The following SOX6 variants were observed in gnomAD, a reference collection of about 807,000 sequenced individuals.
SOX6 encodes SRY-box transcription factor 6, also known as transcription factor SOX-6.
Under a neutral mutation model 97.8 loss-of-function variants are expected in SOX6, and 11 were observed. The observed-to-expected ratio is 0.11, with a 90% CI of 0.07 to 0.19. The LOEUF (loss-of-function observed/expected upper bound fraction) is 0.19, where lower values mean the gene tolerates loss of function less well. Ranked by LOEUF, SOX6 falls within the 10% of genes least tolerant of loss-of-function variation. SOX6 has a pLI of 1.00. For synonymous variants in SOX6, 360 were observed against 371.4 expected (o/e 0.97, Z 0.35); for missense variants, 810 against 1,039.5 (o/e 0.78, Z 3.04).
intron 6 of SOX6, among the ~76,000 whole-genome samples, chr11:16,146,076 GCATC>G (rs2134048264): frequency 6.6e-6 from 1 of 152,220 alleles, no homozygotes; most frequent in East Asian, 1.9e-4. Context: ...AAAGCTGGAG[GCATC>G]ACGCTACCTG....
chr11:16,478,947 A>G (rs981383126), upstream of SOX6, among the ~76,000 whole-genome samples: 1 of 152,202 alleles, frequency 6.6e-6, no homozygotes, highest in African/African-American at 2.4e-5. Context: ...CAGAACGCCT[A>G]ATCACCCATG....
At chr11:16,557,438 C>G (rs1039644074) in intron 4 of SOX6, among the ~76,000 whole-genome samples, 3 of 151,858 alleles carry the variant, frequency 2.0e-5, no homozygotes, top group African/African-American at 7.2e-5. Flanking sequence ...GGACTATACA[C>G]CATCCTCTGA....
In SOX6 at chr11:16,159,284, C is replaced by T. The variant is rs184895222; in HGVS notation, c.777+24602G>A. Among the ~76,000 whole-genome samples, 49 of 152,174 alleles carry T rather than the reference C, an allele frequency of 3.2e-4. 2 individuals carry two copies. Among genetic ancestry groups the T allele is most frequent in the Admixed American group, 2.2e-3 (33 of 15,260 alleles). On this transcript the variant is annotated intron_variant, in intron 6 of 15. Coordinates refer to ENST00000683767, the MANE Select transcript of SOX6 (RefSeq NM_001367873.1). ...ACACAAATTAACACTAGCATGAGAACGCTAAAGATCAGTTCATTTGAGGAT... is the reference window on the plus strand; with the variant it reads ...ACACAAATTAACACTAGCATGAGAATGCTAAAGATCAGTTCATTTGAGGAT...
intron 4 of SOX6, among the ~76,000 whole-genome samples, chr11:16,541,916 A>G (rs1262330596): frequency 6.6e-6 from 1 of 152,218 alleles, no homozygotes; most frequent in Non-Finnish European, 1.5e-5. Context: ...CGATTCCTCA[A>G]GGATCTAGAA....
chr11:16,619,691 G>A (rs1204135945), intron 3 of SOX6, among the ~76,000 whole-genome samples: 1 of 152,008 alleles, frequency 6.6e-6, no homozygotes, highest in Non-Finnish European at 1.5e-5. Context: ...ACCTGGATTA[G>A]CACAAACTGA....
At chr11:16,547,936 AT>A (rs1847640156) in intron 4 of SOX6, among the ~76,000 whole-genome samples, 1 of 152,178 alleles carries the variant, frequency 6.6e-6, no homozygotes, top group Non-Finnish European at 1.5e-5. Flanking sequence ...GTTTTTAAAA[AT>A]AATTATGAAA....
In SOX6 at chr11:16,613,263, C is replaced by G. The variant is rs1848422061; in HGVS notation, n.430-1003G>C. The stretch of plus-strand genomic sequence containing the variant: ...GTTTATTCTTTCACTGTCTGTGTCT[C>G]TCTTCCCCACCCCCAACTACCCCTG... On this transcript the variant is annotated intron_variant and non_coding_transcript_variant, in intron 3 of 5. Coordinates refer to the SOX6 transcript ENST00000524520. This position sits in a 1 kb window ranked among gnomAD's most constrained non-coding sequence, Gnocchi z 4.6. 1 of 152,528 alleles carries G rather than the reference C, an allele frequency of 6.6e-6. No homozygotes were observed. Among genetic ancestry groups the G allele is most frequent in the African/African-American group, 2.4e-5 (1 of 41,430 alleles). 9.4% of individuals were successfully genotyped at this position (152,528 alleles called of 1,614,324 possible).
At chr11:16,733,408 T>G (rs1480883074) in intron 2 of SOX6, among the ~76,000 whole-genome samples, 1 of 152,086 alleles carries the variant, frequency 6.6e-6, no homozygotes, top group Admixed American at 6.5e-5. Flanking sequence ...TAAAAAAGGA[T>G]GAGTTCAGGT....
At chr11:16,528,117 A>G (rs1306544664) in intron 4 of SOX6, among the ~76,000 whole-genome samples, 1 of 152,118 alleles carries the variant, frequency 6.6e-6, no homozygotes, top group African/African-American at 2.4e-5. Flanking sequence ...CGTATGAAAC[A>G]TGCCCTTCTT....
At chr11:16,537,607 T>A (rs1226197416) in intron 4 of SOX6, among the ~76,000 whole-genome samples, 1 of 152,096 alleles carries the variant, frequency 6.6e-6, no homozygotes, top group Non-Finnish European at 1.5e-5. Context: ...CTACATAGAA[T>A]AAACAGTGTA....
intron 3 of SOX6, among the ~76,000 whole-genome samples, chr11:16,697,644 C>T (rs1424052239): frequency 6.6e-6 from 1 of 152,178 alleles, no homozygotes; most frequent in Non-Finnish European, 1.5e-5. Context: ...TTACTTTGCT[C>T]ACATCCATTA....
chr11:16,550,260 G>GA (rs1463684395), intron 4 of SOX6, among the ~76,000 whole-genome samples: 1 of 152,052 alleles, frequency 6.6e-6, no homozygotes, highest in Non-Finnish European at 1.5e-5. Context: ...GGTGGGAAAT[G>GA]AACAATGAGA....
At chr11:16,322,582 C>T (rs1393039365) in intron 2 of SOX6, among the ~76,000 whole-genome samples, 2 of 152,148 alleles carry the variant, frequency 1.3e-5, no homozygotes, top group Non-Finnish European at 2.9e-5. Flanking sequence ...CATGTCACTG[C>T]AGCACTGCTG....
At chr11:16,078,827 C>T (rs1376989464) in intron 9 of SOX6, among the ~76,000 whole-genome samples, 2 of 151,998 alleles carry the variant, frequency 1.3e-5, no homozygotes, top group African/African-American at 2.4e-5. Flanking sequence ...TATATGAGGA[C>T]AGCATCCAAG....
At chr11:16,641,983 T>G (rs528147217) in intron 3 of SOX6, among the ~76,000 whole-genome samples, 35 of 152,352 alleles carry the variant, frequency 2.3e-4, no homozygotes, top group African/African-American at 7.5e-4. Flanking sequence ...CGTTAGTTGA[T>G]GCAGTTTCTT....
At chr11:16,280,519 G>T (rs202125172) in intron 3 of SOX6, among the ~76,000 whole-genome samples, 2 of 151,870 alleles carry the variant, frequency 1.3e-5, no homozygotes, top group African/African-American at 2.4e-5. Context: ...GTGGCAAACC[G>T]CCAACACATC....
chr11:16,051,540 C>A (rs1024009569), intron 10 of SOX6, among the ~76,000 whole-genome samples: 6 of 152,104 alleles, frequency 3.9e-5, no homozygotes, highest in Non-Finnish European at 8.8e-5. Flanking sequence ...GGTTCTCAAG[C>A]AACATGGTTA....
intron 3 of SOX6, among the ~76,000 whole-genome samples, chr11:16,646,894 A>G (rs763521334): frequency 6.6e-6 from 1 of 152,200 alleles, no homozygotes; most frequent in Non-Finnish European, 1.5e-5. Flanking sequence ...TTCTCTGGGC[A>G]GATACCCAGT....
intron 6 of SOX6, among the ~76,000 whole-genome samples, chr11:16,174,614 T>C (rs1312105485): frequency 6.6e-6 from 1 of 151,886 alleles, no homozygotes; most frequent in Non-Finnish European, 1.5e-5. Flanking sequence ...TTATTTCCCA[T>C]CTCTCAAGTC....
Sources: allele counts gnomAD v4.1 joint callset (sites outside exome capture counted in the v4.1 genomes callset), GRCh38; gene constraint gnomAD v4.1.1; non-coding constraint Gnocchi (gnomAD v3.1); transcripts MANE v1.5; gene names NCBI Gene and HGNC (gene_info 2026-07-23, HGNC 2026-07-21).